The following ITGB5 variants were observed in gnomAD, a reference collection of about 807,000 sequenced individuals.
The protein encoded by ITGB5 is integrin subunit beta 5.
Under a neutral mutation model 84.8 loss-of-function variants are expected in ITGB5, and 38 were observed. The observed-to-expected ratio is 0.45, with a 90% confidence interval of 0.35 to 0.59. ITGB5 has a LOEUF of 0.59. ITGB5 is among the 20% of genes least tolerant of loss of function. The pLI, the probability that ITGB5 is intolerant of heterozygous loss-of-function variation, is 0.01. For missense variants in ITGB5, 905 were observed against 1,034.5 expected (o/e 0.87, Z 1.72); for synonymous variants, 393 against 414.4 (o/e 0.95, Z 0.63).
At chr3:124,821,504 AGTCT>A in intron 5 of ITGB5, 30 bp from the exon 6 acceptor site, 1 of 1,611,568 alleles carries the variant, frequency 6.2e-7, no homozygotes, top group African/African-American at 1.3e-5. Flanking sequence ...TGGGTACACC[AGTCT>A]TTCTGCCCAG....
At chr3:124,818,675 TG>T (rs2064649202) in intron 7 of ITGB5, among the ~76,000 whole-genome samples, 1 of 152,104 alleles carries the variant, frequency 6.6e-6, no homozygotes, top group Non-Finnish European at 1.5e-5. Flanking sequence ...CACCACGCCC[TG>T]AATAGGCTTT....
intron 5 of ITGB5, 138 bp downstream of exon 5, chr3:124,841,245 G>C: frequency 1.3e-6 from 1 of 746,712 alleles, no homozygotes; most frequent in Non-Finnish European, 2.2e-6. Context: ...AAGTTCCACT[G>C]AGCTCACCCT....
chr3:124,795,036 G>A (rs1372717325), intron 10 of ITGB5, among the ~76,000 whole-genome samples: 1 of 152,022 alleles, frequency 6.6e-6, no homozygotes, highest in African/African-American at 2.4e-5. Flanking sequence ...TAGCACCCTC[G>A]GACAAGGAAG....
upstream of ITGB5, chr3:124,887,593 G>C (rs758107896): frequency 9.0e-6 from 3 of 333,752 alleles, no homozygotes; most frequent in African/African-American, 2.2e-5. Context: ...AGTCGCTTGC[G>C]ACTCACTTGG....
intron 1 of ITGB5, among the ~76,000 whole-genome samples, chr3:124,895,062 G>A (rs1935074750): frequency 6.6e-6 from 1 of 152,182 alleles, no homozygotes; most frequent in African/African-American, 2.4e-5. Flanking sequence ...ACACAGATGT[G>A]GCTTGGGGAG....
chr3:124,878,983 G>A (rs1372606958), intron 1 of ITGB5, among the ~76,000 whole-genome samples: 2 of 152,114 alleles, frequency 1.3e-5, no homozygotes, highest in African/African-American at 2.4e-5. Context: ...TTTGCCTCAC[G>A]TCTCTGAAGC....
At chr3:124,788,632 AG>A (rs1246523590) in intron 10 of ITGB5, among the ~76,000 whole-genome samples, 17 of 152,346 alleles carry the variant, frequency 1.1e-4, no homozygotes, top group African/African-American at 3.8e-4. Flanking sequence ...GTACATATTT[AG>A]GATTTCTATG....
intron 12 of ITGB5, among the ~76,000 whole-genome samples, chr3:124,766,841 G>A (rs1023393398): frequency 6.6e-6 from 1 of 152,232 alleles, no homozygotes; most frequent in African/African-American, 2.4e-5. Context: ...GAACCACAGG[G>A]CAGTGAGGAC....
chr3:124,886,274 T>G (rs966910644), intron 1 of ITGB5, among the ~76,000 whole-genome samples: 44 of 111,446 alleles, frequency 3.9e-4, no homozygotes, highest in African/African-American at 9.9e-4. Flanking sequence ...AAGTCCCAGG[T>G]GGGGCTGTGG....
Position 124,766,321 on chromosome 3 carries a change from A to G in ITGB5, c.2042T>C (p.Leu681Pro). ...TIVKDDQEAVLCFYKTAKDCV... is the reference protein window; with the variant it reads ...TIVKDDQEAVPCFYKTAKDCV... ...GTCCTTGGCGGTTTTGTAGAAACAT[A>G]GCACAGCCTCCTGGTCATCTTTCAC... Residue 681 changes from leucine to proline, a missense_variant, in exon 13 of 15, where the codon CTA (leucine) becomes CCA (proline). Physicochemically the swap from Leu to Pro is moderately conservative, Grantham distance 98 (BLOSUM62 -3). Around this residue, in one of 3 missense-constraint regions of ITGB5, gnomAD observed 116 missense variants for 177.0 expected, o/e 0.66. Coordinates refer to ENST00000296181, the MANE Select transcript of ITGB5 (RefSeq NM_002213.5). The G allele has an allele frequency of 6.2e-7, 1 of 1,614,160 alleles. No individual in the cohort carries two copies. The highest frequency in any genetic ancestry group is 8.5e-7 in the Non-Finnish European group (1 of 1,180,010).
intron 2 of ITGB5, among the ~76,000 whole-genome samples, chr3:124,867,140 C>T (rs927887860): frequency 1.3e-5 from 2 of 152,120 alleles, no homozygotes; most frequent in South Asian, 2.1e-4. Flanking sequence ...AGGCAAAGAC[C>T]GCTCACCCCA....
At chr3:124,890,948 G>A (rs988921512), upstream of ITGB5, among the ~76,000 whole-genome samples, 3 of 151,778 alleles carry the variant, frequency 2.0e-5, no homozygotes, top group African/African-American at 4.8e-5. Context: ...ATTAAATTCA[G>A]TATGCACTGA....
intron 1 of ITGB5, among the ~76,000 whole-genome samples, chr3:124,896,685 T>A (rs922333448): frequency 4.0e-5 from 6 of 148,380 alleles, no homozygotes; most frequent in African/African-American, 1.5e-4. Context: ...TTCGAGGTTA[T>A]AGTGAGCTAT....
At chr3:124,784,389 C>T (rs989429777) in intron 10 of ITGB5, among the ~76,000 whole-genome samples, 1 of 152,172 alleles carries the variant, frequency 6.6e-6, no homozygotes, top group Non-Finnish European at 1.5e-5. Flanking sequence ...CCTGTAGTCC[C>T]AGCTACTTGG....
chr3:124,798,721 C>T (rs959969323), intron 9 of ITGB5, among the ~76,000 whole-genome samples: 16 of 152,374 alleles, frequency 1.1e-4, no homozygotes, highest in South Asian at 8.3e-4. Context: ...CCACTGCGCC[C>T]GGCCCACGAT....
intron 8 of ITGB5, among the ~76,000 whole-genome samples, chr3:124,814,290 G>T (rs7639092): frequency 1.3e-5 from 2 of 151,714 alleles, no homozygotes; most frequent in African/African-American, 4.9e-5. Context: ...TTCACCTGAA[G>T]GGAGGGGTGG....
intron 10 of ITGB5, 140 bp from the exon 11 acceptor site, chr3:124,774,052 TAGAC>T (rs748126379): frequency 2.6e-4 from 202 of 765,328 alleles, no homozygotes; most frequent in African/African-American, 1.1e-3. Flanking sequence ...TTTGGGGAGA[TAGAC>T]AGAGGGCCTA....
At chr3:124,890,308 A>G (rs1209987193), upstream of ITGB5, among the ~76,000 whole-genome samples, 21 of 148,378 alleles carry the variant, frequency 1.4e-4, no homozygotes, top group Middle Eastern at 3.6e-3. Flanking sequence ...GGTTCAAGCA[A>G]TTCTCCTGTC....
At chr3:124,870,016 T>A (rs1933916991) in intron 2 of ITGB5, among the ~76,000 whole-genome samples, 1 of 152,248 alleles carries the variant, frequency 6.6e-6, no homozygotes, top group Non-Finnish European at 1.5e-5. Context: ...GATCTCATTT[T>A]ACACTCCCAG....
Sources: allele counts gnomAD v4.1 joint callset (sites outside exome capture counted in the v4.1 genomes callset), GRCh38; gene constraint gnomAD v4.1.1; regional missense constraint gnomAD v4.1.1; transcripts MANE v1.5; gene names NCBI Gene and HGNC (gene_info 2026-07-23, HGNC 2026-07-21).